TNS3: variants seen among roughly 807,000 people sequenced by gnomAD.
The protein encoded by TNS3 is tensin-3.
TNS3 carries 45 observed loss-of-function variants against 140.9 expected under a neutral mutation model. The observed-to-expected ratio is 0.32, with a 90% CI of 0.25 to 0.41. The LOEUF (loss-of-function observed/expected upper bound fraction) is 0.41. Among genes scored for constraint, TNS3 ranks in the 10% least tolerant of loss-of-function variants. The probability of loss-of-function intolerance (pLI) is 1.00; values close to 1 mark genes in which losing one functional copy is unlikely to be tolerated. For missense variants in TNS3, 1,716 were observed against 1,906.7 expected (o/e 0.90, Z 1.86); for synonymous variants, 815 against 788.4 (o/e 1.03, Z -0.56).
At chr7:47,496,388 G>C (rs1584771919) in intron 3 of TNS3, among the ~76,000 whole-genome samples, 2 of 152,310 alleles carry the variant, frequency 1.3e-5, no homozygotes, top group Admixed American at 6.5e-5. Flanking sequence ...GACCAGAGCT[G>C]ATGGGCAGGA....
In TNS3 at chr7:47,502,073, G is replaced by T. The variant is rs576613530; in HGVS notation, c.-115+4834C>A. On this transcript the variant is annotated intron_variant, in intron 3 of 30. Transcript: ENST00000311160. ...GCTCCATTTCTGATACATGAAGATG[G>T]CAAAGCACCAAAAAGAACACATGGA... Among the ~76,000 whole-genome samples, 9 of 152,280 alleles carry T rather than the reference G, an allele frequency of 5.9e-5. 1 individual carries two copies. Among genetic ancestry groups the T allele is most frequent in the African/African-American group, 2.2e-4 (9 of 41,552 alleles).
At chr7:47,361,811 C>T (rs1179950329) in intron 17 of TNS3, among the ~76,000 whole-genome samples, 1 of 152,178 alleles carries the variant, frequency 6.6e-6, no homozygotes, top group East Asian at 1.9e-4. Context: ...ACAGCACTAT[C>T]TGCAAGCAGA....
chr7:47,462,578 T>C (rs376173078), intron 4 of TNS3, among the ~76,000 whole-genome samples: 1 of 152,282 alleles, frequency 6.6e-6, no homozygotes. Context: ...TCTACTGTAA[T>C]TGATTAGGTA....
intron 20 of TNS3, among the ~76,000 whole-genome samples, chr7:47,310,804 G>A (rs565500986): frequency 6.6e-6 from 1 of 152,338 alleles, no homozygotes; most frequent in Admixed American, 6.5e-5. Flanking sequence ...CCACCTATGA[G>A]TGAGAACATG....
intron 13 of TNS3, among the ~76,000 whole-genome samples, chr7:47,405,853 G>A (rs1468680360): frequency 6.6e-6 from 1 of 152,134 alleles, no homozygotes; most frequent in Non-Finnish European, 1.5e-5. Flanking sequence ...CAACACCTTT[G>A]TTTACAAGTC....
At chr7:47,362,553 G>A (rs1366428098) in intron 17 of TNS3, among the ~76,000 whole-genome samples, 4 of 152,188 alleles carry the variant, frequency 2.6e-5, no homozygotes, top group Non-Finnish European at 5.9e-5. Flanking sequence ...TTTACTGGCT[G>A]GTGTAAGAGT....
chr7:47,537,567 G>A (rs1799648729), intron 1 of TNS3, among the ~76,000 whole-genome samples: 1 of 152,130 alleles, frequency 6.6e-6, no homozygotes, highest in Non-Finnish European at 1.5e-5. Context: ...GCTTGGCGCA[G>A]GGTTCAGCTT....
At chr7:47,417,560 G>T (rs1342925429) in intron 10 of TNS3, among the ~76,000 whole-genome samples, 1 of 152,236 alleles carries the variant, frequency 6.6e-6, no homozygotes, top group African/African-American at 2.4e-5. Flanking sequence ...TCCCAGGTCA[G>T]TCTACAAAGG....
intron 13 of TNS3, among the ~76,000 whole-genome samples, chr7:47,410,029 C>A (rs1043614340): frequency 6.6e-6 from 1 of 152,160 alleles, no homozygotes; most frequent in Non-Finnish European, 1.5e-5. Context: ...CTGAACATAG[C>A]CGGTGCTCAA....
At chr7:47,550,789 G>A (rs993566909) in intron 1 of TNS3, among the ~76,000 whole-genome samples, 12 of 152,080 alleles carry the variant, frequency 7.9e-5, no homozygotes, top group Admixed American at 3.9e-4. Flanking sequence ...AATGGGATTC[G>A]AATACTATGA....
At chr7:47,404,301 C>A (rs1203753380) in intron 13 of TNS3, among the ~76,000 whole-genome samples, 1 of 152,190 alleles carries the variant, frequency 6.6e-6, no homozygotes, top group East Asian at 1.9e-4. Context: ...ACTTTAAATT[C>A]TCTGACTGCA....
intron 4 of TNS3, among the ~76,000 whole-genome samples, chr7:47,460,314 G>T (rs1796436373): frequency 1.3e-5 from 2 of 151,304 alleles, no homozygotes; most frequent in Admixed American, 6.6e-5. Context: ...CCACCTACAA[G>T]CCAATGAGAA....
At chr7:47,529,231 C>T (rs1799307545) in intron 1 of TNS3, 84 bp from the exon 2 acceptor site, 2 of 761,104 alleles carry the variant, frequency 2.6e-6, no homozygotes, top group South Asian at 3.6e-5. Context: ...AATAATAAAT[C>T]TAGTGGAATT....
chr7:47,360,672 G>A (rs962083151), intron 17 of TNS3, among the ~76,000 whole-genome samples: 2 of 152,216 alleles, frequency 1.3e-5, no homozygotes, highest in African/African-American at 4.8e-5. Flanking sequence ...AGGCAGAGGT[G>A]CTGCCATCAG....
chr7:47,304,796 G>A, intron 21 of TNS3, 36 bp downstream of exon 21: 1 of 1,343,290 alleles, frequency 7.4e-7, no homozygotes, highest in Non-Finnish European at 9.6e-7. Context: ...GTCTTTAAGG[G>A]GAACTTGTGC....
At chr7:47,486,119 T>C (rs1365963162) in intron 3 of TNS3, among the ~76,000 whole-genome samples, 6 of 151,972 alleles carry the variant, frequency 3.9e-5, no homozygotes, top group Admixed American at 3.9e-4. Flanking sequence ...ACTAGGTATA[T>C]TTTACTGTGG....
At position 47,369,075 on chromosome 7, in the gene TNS3, C is replaced by T; in HGVS notation, c.1571G>A (p.Gly524Asp). 1.2e-6 allele frequency: 2 copies of T among 1,614,126 alleles called. No individual in the cohort carries two copies. The highest frequency in any genetic ancestry group is 1.7e-6 in the Non-Finnish European group (2 of 1,180,038). ...ATCTTCACCAACGTTGCTGCCAAAA[C>T]CGTCAGATAGGAGTGAGTTCTGGCT... is the stretch of plus-strand genomic sequence containing the variant. ...KSSQNSLLSD[G>D]FGSNVGEDPQ... The change falls in exon 17 of 31, where the codon GGT (glycine) becomes GAT (aspartate). Residue 524 changes from glycine to aspartate, a missense_variant. Gly to Asp is a moderately conservative substitution (Grantham distance 94). This residue lies in a region of TNS3 where 1,163 missense variants were observed against 1,182.1 expected (regional missense o/e 0.98). Transcript: ENST00000311160.
chr7:47,449,408 T>A (rs1427681177), intron 4 of TNS3, among the ~76,000 whole-genome samples: 2 of 152,188 alleles, frequency 1.3e-5, no homozygotes, highest in African/African-American at 2.4e-5. Context: ...TTACCTGCTG[T>A]GCTTCCTCCT....
At chr7:47,346,483 G>A (rs1038890677) in intron 17 of TNS3, 127 bp from the exon 18 acceptor site, 12 of 1,163,410 alleles carry the variant, frequency 1.0e-5, no homozygotes, top group African/African-American at 1.5e-5. Flanking sequence ...CACTGCTCTG[G>A]GAAGATGCTG....
Sources: gnomAD v4.1 joint callset for allele counts (sites outside exome capture counted in the v4.1 genomes callset) on GRCh38, gnomAD v4.1.1 for gene constraint, gnomAD v4.1.1 regional missense constraint, MANE v1.5 for transcripts, NCBI Gene and HGNC (gene_info 2026-07-23, HGNC 2026-07-21) for gene names.